Variants in FBXO4 observed in about 807,000 individuals in gnomAD.
FBXO4 encodes the protein F-box protein 4, also known as F-box only protein 4.
FBXO4 carries 36 observed loss-of-function variants against 43.7 expected under a neutral mutation model. The observed-to-expected ratio is 0.82, with a 90% CI of 0.63 to 1.09. The LOEUF (loss-of-function observed/expected upper bound fraction) is 1.09. Among genes scored for constraint, FBXO4 ranks in the 50% least tolerant of loss-of-function variants. The pLI is 0.00. For missense variants in FBXO4, 435 were observed against 474.1 expected (o/e 0.92, Z 0.77); for synonymous variants, 180 against 165.6 (o/e 1.09, Z -0.67).
the FBXO4 span, among the ~76,000 whole-genome samples, chr5:41,959,369 C>T: frequency 1.3e-4 from 20 of 151,754 alleles, no homozygotes; most frequent in East Asian, 2.5e-3. Context: ...GACTTTTTTT[C>T]TTTGTTTTGC....
downstream of FBXO4, among the ~76,000 whole-genome samples, chr5:41,944,598 G>C (rs1752050488): frequency 6.6e-6 from 1 of 152,268 alleles, no homozygotes; most frequent in Admixed American, 6.5e-5. Flanking sequence ...CTACATAAAT[G>C]TTAGAAGTCT....
At chr5:42,022,486 A>G in the FBXO4 span, among the ~76,000 whole-genome samples, 1 of 152,078 alleles carries the variant, frequency 6.6e-6, no homozygotes, top group Non-Finnish European at 1.5e-5. Flanking sequence ...AGTTACACTG[A>G]GTTTATTCTG....
chr5:41,996,967 T>G, the FBXO4 span, among the ~76,000 whole-genome samples: 2 of 152,228 alleles, frequency 1.3e-5, no homozygotes, highest in Non-Finnish European at 2.9e-5. Context: ...TGGACCAGTG[T>G]GACATCTTAT....
At chr5:41,957,345 A>T in the FBXO4 span, among the ~76,000 whole-genome samples, 1 of 150,542 alleles carries the variant, frequency 6.6e-6, no homozygotes, top group South Asian at 2.1e-4. Flanking sequence ...TTTTCTACAA[A>T]TTCACTGATT....
chr5:41,938,587 T>A (rs1751912814), intron 5 of FBXO4, among the ~76,000 whole-genome samples: 2 of 152,372 alleles, frequency 1.3e-5, no homozygotes, highest in South Asian at 4.1e-4. Flanking sequence ...ACAACTATTT[T>A]TTTAGCTCAC....
chr5:41,934,060 A>T (rs1751776180), intron 4 of FBXO4, 39 bp downstream of exon 4: 15 of 1,611,158 alleles, frequency 9.3e-6, no homozygotes, highest in Non-Finnish European at 1.2e-5. Flanking sequence ...GAAACATCAG[A>T]ACTAAAACAT....
the FBXO4 span, among the ~76,000 whole-genome samples, chr5:42,011,680 A>G: frequency 6.6e-6 from 1 of 152,106 alleles, no homozygotes; most frequent in Admixed American, 6.5e-5. Flanking sequence ...GTTTAGGATA[A>G]CTCTAAGGAA....
At chr5:41,963,685 T>G in the FBXO4 span, among the ~76,000 whole-genome samples, 1 of 152,218 alleles carries the variant, frequency 6.6e-6, no homozygotes, top group Non-Finnish European at 1.5e-5. Context: ...TGAATCATCA[T>G]AAAATTCTTC....
At chr5:42,036,339 G>GA in the FBXO4 span, among the ~76,000 whole-genome samples, 1 of 151,152 alleles carries the variant, frequency 6.6e-6, no homozygotes, top group East Asian at 1.9e-4. Flanking sequence ...TTGTTACTAA[G>GA]AAAAAAAATG....
intron 5 of FBXO4, among the ~76,000 whole-genome samples, chr5:41,935,336 T>C (rs1228139329): frequency 6.6e-6 from 1 of 152,234 alleles, no homozygotes; most frequent in African/African-American, 2.4e-5. Context: ...AGGAGACCTA[T>C]GAGTGCCCTC....
chr5:41,960,562 G>A, the FBXO4 span, among the ~76,000 whole-genome samples: 255 of 152,180 alleles, frequency 1.7e-3, 4 homozygotes, highest in Admixed American at 0.015. Flanking sequence ...TATGATGAAA[G>A]GATGTTGAAT....
the FBXO4 span, among the ~76,000 whole-genome samples, chr5:41,957,817 T>C: frequency 6.6e-6 from 1 of 152,074 alleles, no homozygotes; most frequent in Non-Finnish European, 1.5e-5. Context: ...AATTTGATAT[T>C]ATATATAATA....
the FBXO4 span, among the ~76,000 whole-genome samples, chr5:41,958,388 C>T: frequency 6.6e-6 from 1 of 152,154 alleles, no homozygotes; most frequent in East Asian, 1.9e-4. Flanking sequence ...CCACCTTGTC[C>T]TCCCAAAGTG....
chr5:42,023,458 T>C, the FBXO4 span, among the ~76,000 whole-genome samples: 2 of 152,100 alleles, frequency 1.3e-5, no homozygotes, highest in Non-Finnish European at 2.9e-5. Context: ...AGTAGCTTTG[T>C]TCCTCTCTAA....
the FBXO4 span, among the ~76,000 whole-genome samples, chr5:41,973,724 C>A: frequency 6.6e-6 from 1 of 152,150 alleles, no homozygotes; most frequent in Admixed American, 6.5e-5. Context: ...TTTGATCCAG[C>A]AATCCCATTA....
the FBXO4 span, among the ~76,000 whole-genome samples, chr5:41,960,517 A>G: frequency 6.6e-6 from 1 of 152,142 alleles, no homozygotes; most frequent in Non-Finnish European, 1.5e-5. Context: ...GTGTTGAGGT[A>G]CATTTCTTCT....
chr5:41,980,773 A>AT, the FBXO4 span, among the ~76,000 whole-genome samples: 1,599 of 148,750 alleles, frequency 0.011, 23 homozygotes, highest in African/African-American at 0.035. Context: ...CTACCTGTGT[A>AT]TTTTTTTTTT....
downstream of FBXO4, among the ~76,000 whole-genome samples, chr5:41,944,006 G>T (rs1317456031): frequency 1.3e-5 from 2 of 152,198 alleles, no homozygotes; most frequent in African/African-American, 2.4e-5. Context: ...AACCAAACCT[G>T]TTGACACTTT....
In FBXO4 at chr5:41,927,154, T is replaced by G; in HGVS notation, c.331T>G (p.Ser111Ala). The change falls in exon 2 of 7, where the codon TCT (serine) becomes GCT (alanine). Residue 111 changes from serine to alanine, a missense_variant. Coordinates refer to ENST00000281623, the MANE Select transcript of FBXO4 (RefSeq NM_012176.3). ...TTTGTTGAGGGATCTTCCTTCTTGG[T>G]CTTCTGTTGACTGGAAGTCTCTTCC... ...YFLLRDLPSWSSVDWKSLPDL... is the reference protein window; with the variant it reads ...YFLLRDLPSWASVDWKSLPDL... 1 of 1,613,984 alleles carries G rather than the reference T, an allele frequency of 6.2e-7. No homozygotes were observed. Among genetic ancestry groups the G allele is most frequent in the Non-Finnish European group, 8.5e-7 (1 of 1,179,948 alleles).
Sources: allele counts gnomAD v4.1 joint callset (sites outside exome capture counted in the v4.1 genomes callset), GRCh38; gene constraint gnomAD v4.1.1; transcripts MANE v1.5; gene names NCBI Gene and HGNC (gene_info 2026-07-23, HGNC 2026-07-21).